The following NCOA2 variants were observed in gnomAD, a reference collection of about 807,000 sequenced individuals.
NCOA2 encodes the protein class E basic helix-loop-helix protein 75.
Under a neutral mutation model 145.1 loss-of-function variants are expected in NCOA2, and 21 were observed. The observed-to-expected ratio is 0.14, with a 90% CI of 0.10 to 0.21. The LOEUF (loss-of-function observed/expected upper bound fraction) is 0.21, where lower values mean the gene tolerates loss of function less well. Among genes scored for constraint, NCOA2 ranks in the 10% least tolerant of loss-of-function variants. NCOA2 has a pLI of 1.00. For synonymous variants in NCOA2, 619 were observed against 637.5 expected (o/e 0.97, Z 0.44); for missense variants, 1,472 against 1,837.6 (o/e 0.80, Z 3.64).
chr8:70,326,414 CT>C (rs1412392709), intron 1 of NCOA2, among the ~76,000 whole-genome samples: 1 of 149,126 alleles, frequency 6.7e-6, no homozygotes, highest in East Asian at 2.0e-4. Flanking sequence ...ACTACCCTTT[CT>C]GCATTTCTCT....
At chr8:70,203,349 T>TA (rs1463441994) in intron 4 of NCOA2, among the ~76,000 whole-genome samples, 1 of 151,940 alleles carries the variant, frequency 6.6e-6, no homozygotes, top group Non-Finnish European at 1.5e-5. Flanking sequence ...TACGTAAGTC[T>TA]AAAGTCCATA....
At chr8:70,273,822 T>C (rs1357604464) in intron 2 of NCOA2, 5 of 568,574 alleles carry the variant, frequency 8.8e-6, no homozygotes, top group Non-Finnish European at 1.7e-5. Flanking sequence ...GGATGAGGCT[T>C]CCAAGAATGA....
chr8:70,207,761 G>A (rs529191043), intron 4 of NCOA2, among the ~76,000 whole-genome samples: 8 of 151,128 alleles, frequency 5.3e-5, no homozygotes, highest in Admixed American at 5.3e-4. Context: ...TACTCGGGAG[G>A]CTGAGGCAGA....
At chr8:70,296,065 T>A (rs1055023796) in intron 2 of NCOA2, among the ~76,000 whole-genome samples, 4 of 152,244 alleles carry the variant, frequency 2.6e-5, no homozygotes, top group Admixed American at 6.5e-5. Flanking sequence ...AACAAACGTT[T>A]ATTTAGTCTT....
intron 5 of NCOA2, among the ~76,000 whole-genome samples, chr8:70,170,823 C>T (rs1037466313): frequency 6.6e-6 from 1 of 152,080 alleles, no homozygotes; most frequent in African/African-American, 2.4e-5. Context: ...ATAATTTTTC[C>T]CCAGTTTAAG....
chr8:70,329,895 C>T (rs1806931642), intron 1 of NCOA2, among the ~76,000 whole-genome samples: 1 of 152,098 alleles, frequency 6.6e-6, no homozygotes, highest in African/African-American at 2.4e-5. Context: ...AGAGCTCTAT[C>T]TTATAGGGAC....
At chr8:70,366,443 T>G (rs986723225) in intron 1 of NCOA2, among the ~76,000 whole-genome samples, 1 of 152,052 alleles carries the variant, frequency 6.6e-6, no homozygotes, top group Non-Finnish European at 1.5e-5. Flanking sequence ...GAACTGGCTT[T>G]AATATGCCTT....
intron 1 of NCOA2, among the ~76,000 whole-genome samples, chr8:70,371,665 CTGT>C (rs143143280): frequency 7.2e-5 from 11 of 151,966 alleles, no homozygotes; most frequent in South Asian, 2.1e-4. Flanking sequence ...ATCTACAGTT[CTGT>C]TGTTGTTGTT....
At chr8:70,280,544 A>G (rs1369157130) in intron 2 of NCOA2, among the ~76,000 whole-genome samples, 2 of 152,144 alleles carry the variant, frequency 1.3e-5, no homozygotes, top group Admixed American at 1.3e-4. Flanking sequence ...CTACTTCCCT[A>G]TGGGTGGAGT....
In NCOA2 at chr8:70,126,908, G is replaced by C; in HGVS notation, c.3821C>G (p.Pro1274Arg). ...MMRGQGLNMT[P>R]SMVAPSGMPA... The stretch of plus-strand genomic sequence containing the variant: ...CATACCACTAGGAGCCACCATGCTT[G>C]GTGTCATATTCAACCCTTGTCCTCT... Residue 1274 changes from proline to arginine, a missense_variant, in exon 19 of 23, where the codon CCA (proline) becomes CGA (arginine). By Grantham distance (103) the Pro-to-Arg change is moderately radical (BLOSUM62 -2). Around this residue, in one of 4 missense-constraint regions of NCOA2, gnomAD observed 232 missense variants for 290.6 expected, o/e 0.80. Transcript: ENST00000452400. The C allele has an allele frequency of 1.2e-6, 2 of 1,613,976 alleles. No homozygotes were observed. Among genetic ancestry groups the C allele is most frequent in the Non-Finnish European group, 1.7e-6 (2 of 1,179,880 alleles).
intron 2 of NCOA2, among the ~76,000 whole-genome samples, chr8:70,235,435 ATGGATATTTTACC>A (rs1821507203): frequency 6.6e-6 from 1 of 152,236 alleles, no homozygotes; most frequent in Non-Finnish European, 1.5e-5. Flanking sequence ...GGCAAATTGT[ATGGATATTTTACC>A]ATAATAAAAA....
At chr8:70,377,768 C>G (rs973024122) in intron 1 of NCOA2, among the ~76,000 whole-genome samples, 1 of 152,010 alleles carries the variant, frequency 6.6e-6, no homozygotes, top group Non-Finnish European at 1.5e-5. Flanking sequence ...AATTGAGCAC[C>G]AAAAATGTGA....
rs1585740613 is a variant in NCOA2 at position 70,126,726 on chromosome 8, A to T, written c.3916+87T>A. ...AGATTCATCTGGGAGCCATGCAAAG[A>T]GCTGTGAGAGAGGAGCTGTGACCCA... is the stretch of plus-strand genomic sequence containing the variant. On this transcript the variant is annotated intron_variant, in intron 19 of 22. Coordinates refer to ENST00000452400, the MANE Select transcript of NCOA2 (RefSeq NM_006540.4). 5 of 1,103,202 alleles carry T rather than the reference A, an allele frequency of 4.5e-6. No homozygotes were observed. The East Asian group carries it at 1.2e-4, about 27-fold the overall frequency. 68.3% of individuals were successfully genotyped at this position (1,103,202 alleles called of 1,614,324 possible).
chr8:70,312,783 T>C (rs1805244746), intron 1 of NCOA2, among the ~76,000 whole-genome samples: 1 of 152,152 alleles, frequency 6.6e-6, no homozygotes, highest in African/African-American at 2.4e-5. Flanking sequence ...TACTTCGTAA[T>C]CAACAGCAAC....
At chr8:70,396,167 A>T (rs747994590) in intron 1 of NCOA2, among the ~76,000 whole-genome samples, 1 of 152,210 alleles carries the variant, frequency 6.6e-6, no homozygotes, top group Non-Finnish European at 1.5e-5. Flanking sequence ...ATCTGCGCAC[A>T]ACAGTTAAAC....
intron 1 of NCOA2, among the ~76,000 whole-genome samples, chr8:70,318,874 C>T (rs1457861871): frequency 6.6e-6 from 1 of 152,218 alleles, no homozygotes; most frequent in Non-Finnish European, 1.5e-5. Context: ...GGAAAATACA[C>T]TGTATCCAGT....
chr8:70,345,471 T>C (rs147825928), intron 1 of NCOA2, among the ~76,000 whole-genome samples: 8 of 152,324 alleles, frequency 5.3e-5, no homozygotes, highest in Middle Eastern at 3.4e-3. Flanking sequence ...CAGCAGTTAG[T>C]AATGAAACCT....
chr8:70,199,333 C>T (rs1157848962), intron 4 of NCOA2, among the ~76,000 whole-genome samples: 2 of 151,556 alleles, frequency 1.3e-5, no homozygotes, highest in African/African-American at 4.9e-5. Flanking sequence ...TGCCTGTAGT[C>T]CCAGCTACTC....
At chr8:70,316,561 C>T (rs1488018586) in intron 1 of NCOA2, among the ~76,000 whole-genome samples, 2 of 152,008 alleles carry the variant, frequency 1.3e-5, no homozygotes, top group Non-Finnish European at 2.9e-5. Context: ...GGACTGAGCT[C>T]CTACACTAGG....
Sources: allele counts gnomAD v4.1 joint callset (sites outside exome capture counted in the v4.1 genomes callset), GRCh38; gene constraint gnomAD v4.1.1; regional missense constraint gnomAD v4.1.1; transcripts MANE v1.5; gene names NCBI Gene and HGNC (gene_info 2026-07-23, HGNC 2026-07-21).